Variants in CFAP46 observed in about 807,000 individuals in gnomAD.
CFAP46 encodes cilia- and flagella-associated protein 46.
In CFAP46, 245 loss-of-function variants were observed where a neutral mutation model predicts 325.7. The observed-to-expected ratio is 0.75, with a 90% CI of 0.68 to 0.84. CFAP46 has a LOEUF of 0.84. CFAP46 is among the 40% of genes least tolerant of loss of function. The pLI is 0.00. For synonymous variants in CFAP46, 1,523 were observed against 1,495.9 expected (o/e 1.02, Z -0.42); for missense variants, 3,346 against 3,543.0 (o/e 0.94, Z 1.41).
intron 50 of CFAP46, among the ~76,000 whole-genome samples, chr10:132,821,191 CTG>C (rs780543737): frequency 0.011 from 1,120 of 104,366 alleles, 19 homozygotes; most frequent in South Asian, 0.023. Context: ...GCTGTGTGTG[CTG>C]TGTGAGTGCT....
At chr10:132,819,871 C>T (rs1847761961) in intron 50 of CFAP46, among the ~76,000 whole-genome samples, 1 of 152,180 alleles carries the variant, frequency 6.6e-6, no homozygotes, top group Non-Finnish European at 1.5e-5. Context: ...ATAAGCAACA[C>T]AAGCAGAAAT....
chr10:132,926,852 A>G (rs1470213508), intron 9 of CFAP46, among the ~76,000 whole-genome samples, 186 bp from the exon 10 acceptor site: 3 of 152,206 alleles, frequency 2.0e-5, no homozygotes, highest in Non-Finnish European at 4.4e-5. Context: ...CAGCTACACC[A>G]ACTCCTTGTC....
intron 57 of CFAP46, among the ~76,000 whole-genome samples, chr10:132,809,402 C>T (rs1437122904): frequency 2.0e-5 from 3 of 152,230 alleles, no homozygotes; most frequent in South Asian, 4.1e-4. Context: ...CACATCACGG[C>T]GGCATCCGTG....
chr10:132,824,139 G>A (rs1169041748), intron 50 of CFAP46, among the ~76,000 whole-genome samples: 3 of 141,338 alleles, frequency 2.1e-5, no homozygotes, highest in African/African-American at 5.3e-5. Context: ...CTGTGTGTGT[G>A]CTGATGTGTG....
At chr10:132,927,017 G>A (rs1849821384) in intron 9 of CFAP46, among the ~76,000 whole-genome samples, 1 of 152,194 alleles carries the variant, frequency 6.6e-6, no homozygotes, top group African/African-American at 2.4e-5. Context: ...GCAATGTGTT[G>A]TACGTCACAC....
intron 4 of CFAP46, among the ~76,000 whole-genome samples, chr10:132,940,103 G>C (rs1380412815): frequency 6.6e-6 from 1 of 152,034 alleles, no homozygotes; most frequent in African/African-American, 2.4e-5. Flanking sequence ...CTTGAGGTGG[G>C]GCCTCCCCGT....
rs559330642 is a variant in CFAP46, at chr10:132,877,444, T to A, written c.4212+437A>T. ...TTGCAGAGAGAAAGGTTTCATGAGA[T>A]GAAAAAAACACTTTTCTCACTGCTC... On this transcript the variant is annotated intron_variant, in intron 30 of 57. Transcript: ENST00000368586. The surrounding 1 kb of genome is among the most constrained non-coding windows in gnomAD (Gnocchi z 5.7). Among the ~76,000 whole-genome samples, 2 of 152,156 alleles carry A rather than the reference T, an allele frequency of 1.3e-5. No individual in the cohort carries two copies. Among genetic ancestry groups the A allele is most frequent in the East Asian group, 3.9e-4 (2 of 5,174 alleles).
chr10:132,864,877 T>TCA (rs1848791123), intron 35 of CFAP46, among the ~76,000 whole-genome samples: 3 of 123,178 alleles, frequency 2.4e-5, no homozygotes, highest in East Asian at 5.1e-4. Context: ...CCTGTCCCCC[T>TCA]GCCTGAGACC....
At chr10:132,879,714 CT>C in intron 28 of CFAP46, 83 bp from the exon 29 acceptor site, 1 of 1,341,932 alleles carries the variant, frequency 7.5e-7, no homozygotes, top group Non-Finnish European at 9.8e-7. Context: ...CTGCCCGAGG[CT>C]GTGGTGGACT....
intron 38 of CFAP46, among the ~76,000 whole-genome samples, chr10:132,858,160 G>A (rs1399038495): frequency 1.3e-5 from 2 of 152,180 alleles, no homozygotes; most frequent in Non-Finnish European, 2.9e-5. Context: ...TGCTTCCCTC[G>A]CGCAGGCTTC....
At chr10:132,890,168 C>T (rs2135434773) in intron 25 of CFAP46, among the ~76,000 whole-genome samples, 1 of 152,266 alleles carries the variant, frequency 6.6e-6, no homozygotes, top group African/African-American at 2.4e-5. Context: ...CCACAGCCTC[C>T]TCTGCCCGGG....
In CFAP46 at chr10:132,877,055, C is replaced by T. The variant is rs1187042524; in HGVS notation, c.4213-94G>A. The T allele has an allele frequency of 3.3e-5, 45 of 1,346,720 alleles. No homozygotes were observed. Among genetic ancestry groups the T allele is most frequent in the Non-Finnish European group, 4.5e-5 (44 of 988,744 alleles). 83.4% of individuals were successfully genotyped at this position (1,346,720 alleles called of 1,614,324 possible). ...CGGCATGGCTGTGCAGCATTCAGGC[C>T]ACAGCCCTGGGCAGCCGGCATCCTC... On this transcript the variant is annotated intron_variant, in intron 30 of 57. Transcript: ENST00000368586. The surrounding 1 kb of genome is among the most constrained non-coding windows in gnomAD (Gnocchi z 5.7).
chr10:132,837,496 TGCACACAGAC>T (rs71013567), intron 44 of CFAP46, among the ~76,000 whole-genome samples: 82,227 of 148,364 alleles, frequency 0.55, 23,075 homozygotes, highest in Admixed American at 0.63. Flanking sequence ...CGTACACAGA[TGCACACAGAC>T]GCACACAGAC....
At position 132,916,634 on chromosome 10, in the gene CFAP46, C is replaced by T. The variant is rs1004309164; in HGVS notation, c.2035G>A (p.Ala679Thr). The change falls in exon 17 of 58, where the codon GCC (alanine) becomes ACC (threonine). Residue 679 changes from alanine (A) to threonine (T), a missense_variant. Physicochemically the swap from Ala to Thr is moderately conservative, Grantham distance 58. Coordinates refer to ENST00000368586, the MANE Select transcript of CFAP46 (RefSeq NM_001200049.3). Reference sequence around the variant, plus strand: ...TGGCTCAGGTCTTCGGGGGGGATGGCCCGGTCATTCAGCTCTACACCTTCT... The same window carrying T: ...TGGCTCAGGTCTTCGGGGGGGATGGTCCGGTCATTCAGCTCTACACCTTCT... ...RSEGVELNDR[A>T]IPPEDLSQHP... 8.5e-6 allele frequency: 13 copies of T among 1,536,902 alleles called. No homozygotes were observed. Among genetic ancestry groups the T allele is most frequent in the Non-Finnish European group, 8.8e-6 (10 of 1,140,792 alleles).
intron 31 of CFAP46, among the ~76,000 whole-genome samples, chr10:132,874,733 G>A (rs1848937161): frequency 6.8e-6 from 1 of 147,910 alleles, no homozygotes. Context: ...AAGCATTCAT[G>A]ACTAAAATTA....
intron 19 of CFAP46, among the ~76,000 whole-genome samples, chr10:132,912,273 T>C (rs71503768): frequency 6.5e-5 from 6 of 91,610 alleles, no homozygotes; most frequent in African/African-American, 8.4e-5. Context: ...CTCCTCTCTC[T>C]TCTCCTCTCT....
chr10:132,821,311 GTGTGTGCTGTGTGAGTGCTGA>G (rs1215677416), intron 50 of CFAP46, among the ~76,000 whole-genome samples: 810 of 137,054 alleles, frequency 5.9e-3, no homozygotes, highest in African/African-American at 0.022. Context: ...GCTGTGTGTT[GTGTGTGCTGTGTGAGTGCTGA>G]TGTGTGCTGT....
chr10:132,911,456 C>T (rs895759190), intron 19 of CFAP46, among the ~76,000 whole-genome samples: 7 of 152,182 alleles, frequency 4.6e-5, no homozygotes, highest in Non-Finnish European at 1.0e-4. Context: ...GGACAGCTCC[C>T]CCGCCCCGTG....
At position 132,870,968 on chromosome 10, in the gene CFAP46, C is replaced by G. The variant is rs148182444; in HGVS notation, c.4512-1596G>C. On this transcript the variant is annotated intron_variant, in intron 32 of 57. Transcript: ENST00000368586. ...TGCCTGGCTTCCAAGCTTCCAAGCA[C>G]AGGCTGACTCTCTTGCTAGGGGCTA... is the stretch of plus-strand genomic sequence containing the variant. Among the ~76,000 whole-genome samples the G allele has an allele frequency of 2.5e-4, 38 of 152,358 alleles. No individual in the cohort carries two copies. In the East Asian group the frequency reaches 6.0e-3, roughly 24 times the overall value.
Sources: allele counts gnomAD v4.1 joint callset (sites outside exome capture counted in the v4.1 genomes callset), GRCh38; gene constraint gnomAD v4.1.1; non-coding constraint Gnocchi (gnomAD v3.1); transcripts MANE v1.5; gene names NCBI Gene and HGNC (gene_info 2026-07-23, HGNC 2026-07-21).